PCDHA3: variants seen among roughly 807,000 people sequenced by gnomAD.
PCDHA3 encodes protocadherin alpha 3, also known as protocadherin alpha-3.
Under a neutral mutation model 62.2 loss-of-function variants are expected in PCDHA3, and 41 were observed. The observed-to-expected ratio is 0.66, with a 90% CI of 0.51 to 0.86. PCDHA3 has a LOEUF of 0.86. Ranked by LOEUF, PCDHA3 falls within the 40% of genes least tolerant of loss-of-function variation. The pLI is 0.00. For synonymous variants in PCDHA3, 640 were observed against 555.4 expected (o/e 1.15, Z -2.14); for missense variants, 1,304 against 1,241.2 (o/e 1.05, Z -0.76).
chr5:140,853,712 G>A (rs2042842322), intron 1 of PCDHA3: 2 of 988,190 alleles, frequency 2.0e-6, no homozygotes, highest in Non-Finnish European at 2.4e-6. Flanking sequence ...ATTAGCATTA[G>A]CAGCACCTAA....
intron 1 of PCDHA3, among the ~76,000 whole-genome samples, chr5:140,910,641 C>G (rs1270893523): frequency 6.6e-6 from 1 of 152,206 alleles, no homozygotes; most frequent in Non-Finnish European, 1.5e-5. Context: ...CTCCCTAAAC[C>G]TTTTGATCCC....
intron 1 of PCDHA3, among the ~76,000 whole-genome samples, chr5:140,905,012 C>A (rs1335177928): frequency 6.6e-6 from 1 of 152,054 alleles, no homozygotes; most frequent in Non-Finnish European, 1.5e-5. Context: ...TTTGCTAATT[C>A]TTTTCTATGC....
chr5:140,974,350 C>A (rs555781549), intron 1 of PCDHA3, among the ~76,000 whole-genome samples: 1 of 152,186 alleles, frequency 6.6e-6, no homozygotes, highest in African/African-American at 2.4e-5. Context: ...GCATCCAGAA[C>A]TAAACAGACC....
intron 1 of PCDHA3, among the ~76,000 whole-genome samples, chr5:140,844,849 G>A (rs1554140744): frequency 6.7e-6 from 1 of 148,746 alleles, no homozygotes; most frequent in African/African-American, 2.5e-5. Context: ...TGTGACTGTT[G>A]GACCTGCCTG....
chr5:140,924,712 T>C (rs1481544117), intron 1 of PCDHA3, among the ~76,000 whole-genome samples: 1 of 151,870 alleles, frequency 6.6e-6, no homozygotes, highest in African/African-American at 2.4e-5. Context: ...TTGTGCAACA[T>C]GGCGAAACCT....
At chr5:140,822,071 C>G (rs1554128427) in intron 1 of PCDHA3, 1 of 1,614,192 alleles carries the variant, frequency 6.2e-7, no homozygotes, top group Non-Finnish European at 8.5e-7. Flanking sequence ...CGGCGGAGGG[C>G]GGAGTGCAGC....
At chr5:140,947,550 G>T (rs967081376) in intron 1 of PCDHA3, among the ~76,000 whole-genome samples, 1 of 151,402 alleles carries the variant, frequency 6.6e-6, no homozygotes, top group Non-Finnish European at 1.5e-5. Flanking sequence ...AAAGAATTCC[G>T]CTGGGATTTA....
intron 1 of PCDHA3, among the ~76,000 whole-genome samples, chr5:140,878,502 G>A (rs782817563): frequency 2.0e-5 from 3 of 152,028 alleles, no homozygotes; most frequent in Admixed American, 6.5e-5. Flanking sequence ...CCATCTGTAC[G>A]ATACAGTACA....
intron 1 of PCDHA3, chr5:140,882,629 G>A: frequency 6.2e-7 from 1 of 1,614,254 alleles, no homozygotes; most frequent in Admixed American, 1.7e-5. Context: ...CCATGTGGAG[G>A]TGAAGGTGAG....
intron 1 of PCDHA3, chr5:140,870,062 A>G (rs1554163774): frequency 5.0e-6 from 8 of 1,613,902 alleles, no homozygotes; most frequent in South Asian, 3.3e-5. Context: ...ATTGAAGTAC[A>G]GGCTACAGAT....
rs147537783 is a variant in PCDHA3 at position 140,982,491 on chromosome 5, G to C, written c.2470G>C (p.Glu824Gln). 1 of 1,614,076 alleles carries C rather than the reference G, an allele frequency of 6.2e-7. No individual in the cohort carries two copies. Among genetic ancestry groups the C allele is most frequent in the African/African-American group, 1.3e-5 (1 of 74,924 alleles). The change falls in exon 3 of 4, where the codon GAG becomes CAG. Residue 824 changes from glutamate to glutamine, a missense_variant. Physicochemically the swap from Glu to Gln is conservative, Grantham distance 29. Coordinates refer to ENST00000522353, the MANE Select transcript of PCDHA3 (RefSeq NM_018906.3). ...TTTATTCAGCTCTGTGCACCTAGAG[G>C]AGGCTGGCATTCTACGGGCTGGTCC... is the stretch of plus-strand genomic sequence containing the variant. ...AGMHSSVHLE[E>Q]AGILRAGPGG...
intron 1 of PCDHA3, among the ~76,000 whole-genome samples, chr5:140,922,233 A>T (rs1226444776): frequency 6.6e-6 from 1 of 152,220 alleles, no homozygotes; most frequent in Non-Finnish European, 1.5e-5. Flanking sequence ...CTCAACCATG[A>T]TGTGTATGAA....
intron 1 of PCDHA3, chr5:140,856,390 G>C: frequency 6.3e-7 from 1 of 1,598,554 alleles, no homozygotes; most frequent in South Asian, 1.1e-5. Flanking sequence ...GGCCGCTGCA[G>C]GTTTTCCATG....
intron 1 of PCDHA3, chr5:140,852,662 C>T: frequency 1.0e-6 from 1 of 963,512 alleles, no homozygotes; most frequent in Non-Finnish European, 1.3e-6. Context: ...ATCTGTCTAT[C>T]AGCACAACTC....
chr5:140,883,355 A>T (rs763058953), intron 1 of PCDHA3: 2 of 1,614,076 alleles, frequency 1.2e-6, no homozygotes, highest in Admixed American at 3.3e-5. Context: ...CAGAGAAGAC[A>T]CTCAGCCTAG....
chr5:140,891,330 T>C (rs995602420), intron 1 of PCDHA3, among the ~76,000 whole-genome samples: 1 of 152,108 alleles, frequency 6.6e-6, no homozygotes, highest in Non-Finnish European at 1.5e-5. Flanking sequence ...TGGTGGTGAT[T>C]TGTGAGATTT....
chr5:140,986,461 C>T (rs1554248079), intron 3 of PCDHA3, among the ~76,000 whole-genome samples: 1 of 152,154 alleles, frequency 6.6e-6, no homozygotes. Context: ...TTAATGAATG[C>T]CCTCTTGTGA....
intron 1 of PCDHA3, chr5:140,803,818 T>A: frequency 1.5e-6 from 1 of 662,470 alleles, no homozygotes; most frequent in Non-Finnish European, 2.5e-6. Context: ...GTTTTGTTAT[T>A]AGGTGCAGTA....
At chr5:140,885,543 G>A (rs1554182177) in intron 1 of PCDHA3, among the ~76,000 whole-genome samples, 2 of 152,092 alleles carry the variant, frequency 1.3e-5, no homozygotes, top group Non-Finnish European at 2.9e-5. Flanking sequence ...CAAAATATTG[G>A]TGTTATTTCT....
Sources: gnomAD v4.1 joint callset for allele counts (sites outside exome capture counted in the v4.1 genomes callset) on GRCh38, gnomAD v4.1.1 for gene constraint, MANE v1.5 for transcripts, NCBI Gene and HGNC (gene_info 2026-07-23, HGNC 2026-07-21) for gene names.